The following COL11A2 variants were observed in gnomAD, a reference collection of about 807,000 sequenced individuals.
COL11A2 encodes the protein collagen type XI alpha 2 chain, also known as collagen alpha-2(XI) chain.
COL11A2 carries 116 observed loss-of-function variants against 273.4 expected under a neutral mutation model. The ratio of observed to expected loss-of-function variants is 0.42; its 90% CI spans 0.36 to 0.49. COL11A2 has a LOEUF of 0.49. Among genes scored for constraint, COL11A2 ranks in the 20% least tolerant of loss-of-function variants. The pLI is 0.00. For synonymous variants in COL11A2, 782 were observed against 864.2 expected, an observed-to-expected ratio of 0.90 and a Z score of 1.67; for missense variants, 1,866 against 2,309.0, an observed-to-expected ratio of 0.81 and a Z score of 3.93.
chr6:33,172,343 A>T lies in COL11A2; in HGVS notation c.2934T>A (p.Asp978Glu). 1 of 1,589,782 alleles carries T rather than the reference A, an allele frequency of 6.3e-7. No individual in the cohort carries two copies. The highest frequency in any genetic ancestry group is 8.6e-7 in the Non-Finnish European group (1 of 1,168,996). ...GGAATCCCCTCAGACCAGCAGGACC[A>T]TCCTTCCCTGGGGCCCCAGGGGGAC... Reference protein sequence around the residue: ...DPGPPGAPGKDGPAGLRGFPG... With the variant: ...DPGPPGAPGKEGPAGLRGFPG... The change falls in exon 40 of 66, where the codon GAT becomes GAA. Residue 978 changes from aspartate to glutamate, a missense_variant. Physicochemically the swap from Asp to Glu is conservative, Grantham distance 45. Transcript: ENST00000341947.
intron 1 of COL11A2, among the ~76,000 whole-genome samples, chr6:33,191,627 C>A (rs989643802): frequency 1.3e-5 from 2 of 152,232 alleles, no homozygotes; most frequent in African/African-American, 4.8e-5. Flanking sequence ...GAGCCAGCTG[C>A]GTGGCAGCAT....
At chr6:33,171,432 A>G (rs1216034844) in intron 43 of COL11A2, 35 bp downstream of exon 43, 2 of 1,611,072 alleles carry the variant, frequency 1.2e-6, no homozygotes, top group Non-Finnish European at 1.7e-6. Flanking sequence ...CTCATCTGGA[A>G]AGAAGATTGG....
Position 33,169,326 on chromosome 6 carries a change from C to T in COL11A2, c.3798+57G>A, listed in dbSNP as rs1769689508. On this transcript the variant is annotated intron_variant, in intron 51 of 65. Transcript: ENST00000341947. This position sits in a 1 kb window ranked among gnomAD's most constrained non-coding sequence, Gnocchi z 5.5. ...TCCTCCCTCACACACACCCATATTCCCAGGTCTGTCATTCACAGGGCCTGA... is the reference window on the plus strand; with the variant it reads ...TCCTCCCTCACACACACCCATATTCTCAGGTCTGTCATTCACAGGGCCTGA... The T allele has an allele frequency of 6.8e-7, 1 of 1,476,384 alleles. No individual in the cohort carries two copies. 91.5% of individuals were successfully genotyped at this position (1,476,384 alleles called of 1,614,324 possible).
At chr6:33,192,494 C>A, upstream of COL11A2, 1 of 555,214 alleles carries the variant, frequency 1.8e-6, no homozygotes, top group South Asian at 2.1e-5. Context: ...GCGCCCAGAG[C>A]CCCCACCTCG....
At position 33,184,975 on chromosome 6, in the gene COL11A2, G is replaced by T; in HGVS notation, c.939+17C>A. On this transcript the variant is annotated intron_variant, in intron 7 of 65. Coordinates refer to ENST00000341947, the MANE Select transcript of COL11A2 (RefSeq NM_080680.3). ...CCCACTGCCCCCAGATGGGGTGAGGGTGGGGCATAGAGTTACCTCCTCAAG... is the reference window on the plus strand; with the variant it reads ...CCCACTGCCCCCAGATGGGGTGAGGTTGGGGCATAGAGTTACCTCCTCAAG... 6.5e-7 allele frequency: 1 copy of T among 1,549,628 alleles called. No homozygotes were observed. Among genetic ancestry groups the T allele is most frequent in the Non-Finnish European group, 8.7e-7 (1 of 1,145,376 alleles).
At position 33,172,559 on chromosome 6, in the gene COL11A2, G is replaced by T. The variant is rs758052930; in HGVS notation, c.2869C>A (p.Pro957Thr). 3.2e-5 allele frequency: 51 copies of T among 1,612,536 alleles called. No individual in the cohort carries two copies. The highest frequency in any genetic ancestry group is 3.9e-5 in the Non-Finnish European group (46 of 1,179,900). ...GTTCCTTCTTTTCCAGCTGTCCCAG[G>T]TAGTCCCTGCTCTCCAGGGGGCCCC... ...PPGPPGEQGL[P>T]GTAGKEGTKG... Residue 957 changes from proline (P) to threonine (T), a missense_variant, in exon 39 of 66, where the codon CCT becomes ACT. By Grantham distance (38) the Pro-to-Thr change is conservative (BLOSUM62 -1). Transcript: ENST00000341947.
intron 52 of COL11A2, 37 bp downstream of exon 52, chr6:33,168,918 C>T: frequency 1.9e-6 from 3 of 1,597,802 alleles, no homozygotes; most frequent in Non-Finnish European, 2.6e-6. Context: ...AGAAGCCCCA[C>T]CCTTTTTGCC....
Position 33,174,519 on chromosome 6 carries a change from G to A in COL11A2, c.2430+8C>T, listed in dbSNP as rs1202697665. On this transcript the variant is annotated splice_region_variant and intron_variant, in intron 31 of 65. Coordinates refer to ENST00000341947, the MANE Select transcript of COL11A2 (RefSeq NM_080680.3). ...AGGAGGAGGGGCACGTATGGGGCAT[G>A]GCATCACCTTGGGTCCCTGACGTCC... 6.8e-6 allele frequency: 11 copies of A among 1,612,474 alleles called. No individual in the cohort carries two copies. Among genetic ancestry groups the A allele is most frequent in the Non-Finnish European group, 7.6e-6 (9 of 1,179,892 alleles).
chr6:33,193,129 G>T (rs11969547), upstream of COL11A2, among the ~76,000 whole-genome samples: 15,682 of 152,158 alleles, frequency 0.1, 1,554 homozygotes, highest in African/African-American at 0.26. Context: ...TGAGCGAGCA[G>T]TCGACTCTGG....
In COL11A2 at chr6:33,164,926, C is replaced by T. The variant is rs1389869623; in HGVS notation, c.4789G>A (p.Asp1597Asn). 6.3e-7 allele frequency: 1 copy of T among 1,581,148 alleles called. No individual in the cohort carries two copies. The change falls in exon 64 of 66, where the codon GAT becomes AAT. Residue 1597 changes from aspartate to asparagine, a missense_variant. Asp to Asn is a conservative substitution (Grantham distance 23). Coordinates refer to ENST00000341947, the MANE Select transcript of COL11A2 (RefSeq NM_080680.3). This position sits in a 1 kb window ranked among gnomAD's most constrained non-coding sequence, Gnocchi z 4.7. The part of the protein sequence containing the change: ...WVDPNQGCAR[D>N]AFRVFCNFTA... Reference sequence around the variant, plus strand: ...AAGTTGCAGAAAACTCGGAAGGCATCCCGAGCACAGCCCTGGTTGGGGTCG... The same window carrying T: ...AAGTTGCAGAAAACTCGGAAGGCATTCCGAGCACAGCCCTGGTTGGGGTCG...
chr6:33,170,090 C>T lies in COL11A2; in HGVS notation c.3593G>A (p.Gly1198Asp), dbSNP rs773348346. Reference protein sequence around the residue: ...AGPNGADGPQGPPGGVGNLGP... With the variant: ...AGPNGADGPQDPPGGVGNLGP... The stretch of plus-strand genomic sequence containing the variant: ...CAGGTTCCCAACACCTCCTGGGGGA[C>T]CTTGTGGGCCCTGGAAGAGGAACAG... Residue 1198 changes from glycine (G) to aspartate (D), a missense_variant, in exon 49 of 66, where the codon GGT becomes GAT. Physicochemically the swap from Gly to Asp is moderately conservative, Grantham distance 94. Coordinates refer to ENST00000341947, the MANE Select transcript of COL11A2 (RefSeq NM_080680.3). The surrounding 1 kb of genome is among the most constrained non-coding windows in gnomAD (Gnocchi z 4.3). 2 of 1,613,012 alleles carry T rather than the reference C, an allele frequency of 1.2e-6. No homozygotes were observed. Among genetic ancestry groups the T allele is most frequent in the Non-Finnish European group, 1.7e-6 (2 of 1,180,026 alleles).
chr6:33,187,157 T>G (rs1038338244), intron 4 of COL11A2, among the ~76,000 whole-genome samples: 6 of 152,096 alleles, frequency 3.9e-5, no homozygotes. Context: ...TTGCCTCCCC[T>G]CTGCGCTTTG....
At position 33,167,957 on chromosome 6, in the gene COL11A2, G is replaced by T; in HGVS notation, c.3961-105C>A. On this transcript the variant is annotated intron_variant, in intron 54 of 65. Transcript: ENST00000341947. This position sits in a 1 kb window ranked among gnomAD's most constrained non-coding sequence, Gnocchi z 6.1. ...CACACATACACATGCACACACACAC[G>T]TGCATACACAGGGACACGCGCCGAG... 8.1e-7 allele frequency: 1 copy of T among 1,231,016 alleles called. No homozygotes were observed. The highest frequency in any genetic ancestry group is 1.2e-6 in the Non-Finnish European group (1 of 848,556). 76.3% of individuals were successfully genotyped at this position (1,231,016 alleles called of 1,614,324 possible).
rs1198704960 is a variant in COL11A2 at position 33,190,236 on chromosome 6, G to A, written c.83-767C>T. Reference sequence around the variant, plus strand: ...GGGGGGCAGGGGCTGAAGCTGCCACGAGGAGCCGGAACAGGTCCAGGGCCC... The same window carrying A: ...GGGGGGCAGGGGCTGAAGCTGCCACAAGGAGCCGGAACAGGTCCAGGGCCC... On this transcript the variant is annotated intron_variant, in intron 1 of 65. Coordinates refer to ENST00000341947, the MANE Select transcript of COL11A2 (RefSeq NM_080680.3). This position sits in a 1 kb window ranked among gnomAD's most constrained non-coding sequence, Gnocchi z 4.5. 6.6e-6 allele frequency among the ~76,000 whole-genome samples: 1 copy of A among 152,046 alleles called. No individual in the cohort carries two copies. Among genetic ancestry groups the A allele is most frequent in the African/African-American group, 2.4e-5 (1 of 41,402 alleles).
At chr6:33,186,944 C>T in intron 4 of COL11A2, 126 bp from the exon 5 acceptor site, 2 of 1,252,648 alleles carry the variant, frequency 1.6e-6, no homozygotes, top group Non-Finnish European at 2.3e-6. Flanking sequence ...CACTGTCAGT[C>T]CTCCATATGC....
At chr6:33,180,446 T>G (rs1771568865) in intron 11 of COL11A2, 114 bp from the exon 12 acceptor site, 6 of 1,027,144 alleles carry the variant, frequency 5.8e-6, no homozygotes, top group Non-Finnish European at 8.7e-6. Flanking sequence ...CTCTAGCTCT[T>G]TCCTGAGTCT....
chr6:33,170,576 G>C lies in COL11A2; in HGVS notation c.3509C>G (p.Thr1170Arg). The change falls in exon 47 of 66, where the codon ACA (threonine) becomes AGA (arginine). Residue 1170 changes from threonine to arginine, a missense_variant. Thr to Arg is a moderately conservative substitution (Grantham distance 71). Transcript: ENST00000341947. The surrounding 1 kb of genome is among the most constrained non-coding windows in gnomAD (Gnocchi z 4.3). Reference protein sequence around the residue: ...LPGPSGEKGETGDVGPMGPPG... With the variant: ...LPGPSGEKGERGDVGPMGPPG... Reference sequence around the variant, plus strand: ...ACTCACCATAGGACCCACATCTCCTGTTTCTCCCTTCTCCCCAGAGGGGCC... The same window carrying C: ...ACTCACCATAGGACCCACATCTCCTCTTTCTCCCTTCTCCCCAGAGGGGCC... 6.2e-7 allele frequency: 1 copy of C among 1,612,398 alleles called. No individual in the cohort carries two copies. The highest frequency in any genetic ancestry group is 1.1e-5 in the South Asian group (1 of 91,066).
Position 33,177,130 on chromosome 6 carries a change from C to T in COL11A2, c.2016+51G>A, listed in dbSNP as rs2150571587. 6.2e-7 allele frequency: 1 copy of T among 1,612,642 alleles called. No homozygotes were observed. Among genetic ancestry groups the T allele is most frequent in the Non-Finnish European group, 8.5e-7 (1 of 1,179,756 alleles). ...ATCCCAGCAGACATTTAGGGTTCTC[C>T]CTACATCCCCACTCTAAACCCCCTG... On this transcript the variant is annotated intron_variant, in intron 24 of 65. Coordinates refer to ENST00000341947, the MANE Select transcript of COL11A2 (RefSeq NM_080680.3). This position sits in a 1 kb window ranked among gnomAD's most constrained non-coding sequence, Gnocchi z 5.9.
At chr6:33,180,389 T>C (rs1771561359) in intron 11 of COL11A2, 57 bp from the exon 12 acceptor site, 2 of 1,422,868 alleles carry the variant, frequency 1.4e-6, no homozygotes, top group Admixed American at 1.7e-5. Flanking sequence ...CATCAAGATC[T>C]TAGCATGATT....
Sources: gnomAD v4.1 joint callset for allele counts (sites outside exome capture counted in the v4.1 genomes callset) on GRCh38, gnomAD v4.1.1 for gene constraint, Gnocchi (gnomAD v3.1) non-coding constraint, MANE v1.5 for transcripts, NCBI Gene and HGNC (gene_info 2026-07-23, HGNC 2026-07-21) for gene names.